EYA1: variants seen among roughly 807,000 people sequenced by gnomAD.
EYA1 encodes EYA transcriptional coactivator and phosphatase 1.
EYA1 carries 16 observed loss-of-function variants against 82.0 expected under a neutral mutation model. The ratio of observed to expected loss-of-function variants is 0.20; its 90% CI spans 0.13 to 0.30. The LOEUF is 0.30. EYA1 is among the 10% of genes least tolerant of loss of function. The pLI is 1.00. For missense variants in EYA1, 633 were observed against 730.7 expected, an observed-to-expected ratio of 0.87 and a Z score of 1.54; for synonymous variants, 261 against 264.4, an observed-to-expected ratio of 0.99 and a Z score of 0.12.
intron 3 of EYA1, among the ~76,000 whole-genome samples, chr8:71,338,677 G>A (rs1824779418): frequency 6.6e-6 from 1 of 152,212 alleles, no homozygotes; most frequent in African/African-American, 2.4e-5. Context: ...CATTTGATTA[G>A]TTATATTTTT....
chr8:71,304,705 C>A (rs1586270647), intron 7 of EYA1, among the ~76,000 whole-genome samples: 1 of 142,754 alleles, frequency 7.0e-6, no homozygotes, highest in Non-Finnish European at 1.6e-5. Context: ...AGAAAGTAAT[C>A]ATTCTCTTCA....
At chr8:71,397,537 T>C (rs557049767) in intron 2 of EYA1, among the ~76,000 whole-genome samples, 13 of 152,364 alleles carry the variant, frequency 8.5e-5, no homozygotes, top group African/African-American at 3.1e-4. Context: ...TTATTTCTCC[T>C]TCACATATGA....
At chr8:71,280,544 G>T (rs982632950) in intron 9 of EYA1, among the ~76,000 whole-genome samples, 1 of 152,166 alleles carries the variant, frequency 6.6e-6, no homozygotes, top group Non-Finnish European at 1.5e-5. Flanking sequence ...TCAGATATCC[G>T]CAGAGTGAAT....
At chr8:71,215,276 T>A in intron 16 of EYA1, 111 bp downstream of exon 16, 3 of 994,688 alleles carry the variant, frequency 3.0e-6, no homozygotes, top group Non-Finnish European at 4.6e-6. Flanking sequence ...TCTTGTATTT[T>A]TTTTTTGACC....
In EYA1 at chr8:71,444,858, T is replaced by C. The variant is rs1806739295; in HGVS notation, c.34-88347A>G. ...TATTAAAACTATCTTTAGAAAAATA[T>C]TCCTCAAGATGGCCATTACCAACCT... On this transcript the variant is annotated intron_variant, in intron 2 of 18. Transcript: ENST00000643681. 2.0e-5 allele frequency among the ~76,000 whole-genome samples: 3 copies of C among 152,202 alleles called. No individual in the cohort carries two copies. The South Asian group carries it at 6.2e-4, about 32-fold the overall frequency.
intron 2 of EYA1, among the ~76,000 whole-genome samples, chr8:71,413,487 G>C (rs904931443): frequency 3.3e-5 from 5 of 152,154 alleles, no homozygotes; most frequent in African/African-American, 4.8e-5. Context: ...ATTTCCCCAG[G>C]ATAAAATGCC....
intron 2 of EYA1, among the ~76,000 whole-genome samples, chr8:71,435,382 GATAA>G (rs1349674402): frequency 8.6e-5 from 13 of 151,838 alleles, no homozygotes; most frequent in African/African-American, 2.4e-4. Flanking sequence ...TGTTTTATTG[GATAA>G]ATAAATTGAT....
intron 2 of EYA1, among the ~76,000 whole-genome samples, chr8:71,440,655 G>A (rs890291242): frequency 2.6e-5 from 4 of 152,202 alleles, no homozygotes; most frequent in African/African-American, 9.6e-5. Context: ...AAGGTGTCCA[G>A]TGGGCATCTG....
chr8:71,544,409 G>A (rs1046662021), intron 1 of EYA1, among the ~76,000 whole-genome samples: 18 of 152,128 alleles, frequency 1.2e-4, no homozygotes, highest in Admixed American at 1.2e-3. Flanking sequence ...CCTCCTGAAA[G>A]CTTCTGAAAG....
chr8:71,430,107 A>T (rs1187134131), intron 2 of EYA1, among the ~76,000 whole-genome samples: 3 of 152,192 alleles, frequency 2.0e-5, no homozygotes, highest in African/African-American at 7.2e-5. Flanking sequence ...TTTATTTAAA[A>T]TGTATTAGCC....
chr8:71,260,223 T>C (rs1441653649), intron 11 of EYA1, among the ~76,000 whole-genome samples: 1 of 152,206 alleles, frequency 6.6e-6, no homozygotes, highest in Non-Finnish European at 1.5e-5. Context: ...ATAATATAAA[T>C]TGTCTAATTT....
upstream of EYA1, among the ~76,000 whole-genome samples, chr8:71,364,354 A>G (rs879501503): frequency 6.6e-6 from 1 of 151,986 alleles, no homozygotes; most frequent in Non-Finnish European, 1.5e-5. Flanking sequence ...TGTAATAATT[A>G]CTATTGCATA....
At position 71,545,611 on chromosome 8, in the gene EYA1, G is replaced by A. The variant is rs1815495921; in HGVS notation, c.-73+2253C>T. Among the ~76,000 whole-genome samples the A allele has an allele frequency of 2.1e-5, 3 of 142,398 alleles. No individual in the cohort carries two copies. The South Asian group carries it at 6.7e-4, about 32-fold the overall frequency. The allele number at this position is 142,398 out of a possible 152,430, so 93.4% of individuals were successfully genotyped here. A position where few individuals can be genotyped will look rare whatever the true frequency, so the allele number is the denominator to read the frequency against. On this transcript the variant is annotated intron_variant, in intron 1 of 18. Transcript: ENST00000643681. ...GAGTCTCGCTCTGTCGCCCAGGCTG[G>A]AGTGCAGTGGGGCGATCTCGGCTCA...
At chr8:71,372,835 A>C (rs1471369397) in intron 2 of EYA1, among the ~76,000 whole-genome samples, 2 of 152,130 alleles carry the variant, frequency 1.3e-5, no homozygotes, top group African/African-American at 4.8e-5. Flanking sequence ...TAACATTCCA[A>C]ATCAATCAAT....
intron 2 of EYA1, among the ~76,000 whole-genome samples, chr8:71,431,568 G>T (rs767768735): frequency 1.3e-5 from 2 of 152,110 alleles, no homozygotes; most frequent in African/African-American, 2.4e-5. Flanking sequence ...AATTGCTAGG[G>T]TCTTTAAAAT....
intron 2 of EYA1, among the ~76,000 whole-genome samples, chr8:71,387,951 T>C (rs1456316703): frequency 6.6e-6 from 1 of 152,186 alleles, no homozygotes; most frequent in East Asian, 1.9e-4. Flanking sequence ...GTAGGAGAAC[T>C]CATAGACTAT....
intron 9 of EYA1, among the ~76,000 whole-genome samples, chr8:71,296,298 T>G (rs893319034): frequency 3.3e-5 from 5 of 152,122 alleles, no homozygotes; most frequent in African/African-American, 1.2e-4. Flanking sequence ...GAATTACGTT[T>G]ACAAGTAATA....
At chr8:71,213,729 C>T (rs1808820179) in intron 16 of EYA1, among the ~76,000 whole-genome samples, 1 of 152,170 alleles carries the variant, frequency 6.6e-6, no homozygotes, top group Non-Finnish European at 1.5e-5. Flanking sequence ...GATTGAAGAC[C>T]CCACTGGGTC....
chr8:71,378,367 G>A lies in EYA1; in HGVS notation c.34-21856C>T, dbSNP rs541296094. 5.9e-5 allele frequency among the ~76,000 whole-genome samples: 9 copies of A among 152,282 alleles called. No individual in the cohort carries two copies. The South Asian group carries it at 6.2e-4, about 11-fold the overall frequency. On this transcript the variant is annotated intron_variant, in intron 2 of 18. Transcript: ENST00000643681. ...TGGAAACTCATGCACTGTTTAAGGC[G>A]GGGTAGGCTTAAGAAGTGGTAACCA...
Sources: gnomAD v4.1 joint callset for allele counts (sites outside exome capture counted in the v4.1 genomes callset) on GRCh38, gnomAD v4.1.1 for gene constraint, MANE v1.5 for transcripts, NCBI Gene and HGNC (gene_info 2026-07-23, HGNC 2026-07-21) for gene names.